The following ATRN variants were observed in gnomAD, a reference collection of about 807,000 sequenced individuals.
The protein encoded by ATRN is attractin, also known as attractin-2.
ATRN carries 54 observed loss-of-function variants against 178.7 expected under a neutral mutation model. The observed-to-expected ratio is 0.30, with a 90% CI of 0.24 to 0.38. The LOEUF (loss-of-function observed/expected upper bound fraction) is 0.38, where lower values mean the gene tolerates loss of function less well. ATRN is among the 10% of genes least tolerant of loss of function. ATRN has a pLI of 1.00. For synonymous variants in ATRN, 636 were observed against 663.0 expected (o/e 0.96, Z 0.63); for missense variants, 1,443 against 1,815.1 (o/e 0.79, Z 3.73).
At chr20:3,509,555 T>A (rs951668744) in intron 1 of ATRN, among the ~76,000 whole-genome samples, 2 of 150,818 alleles carry the variant, frequency 1.3e-5, no homozygotes, top group South Asian at 2.1e-4. Flanking sequence ...TGGAGTGCAG[T>A]GGTGTGATCT....
chr20:3,552,551 A>C (rs144838005), intron 6 of ATRN, among the ~76,000 whole-genome samples: 99 of 152,338 alleles, frequency 6.5e-4, no homozygotes, highest in African/African-American at 2.2e-3. Flanking sequence ...ATCTCATGCT[A>C]CATAACAAAT....
chr20:3,603,255 G>A (rs2086636254), intron 23 of ATRN, among the ~76,000 whole-genome samples: 1 of 152,132 alleles, frequency 6.6e-6, no homozygotes, highest in Non-Finnish European at 1.5e-5. Flanking sequence ...GCTACAGTGG[G>A]TTAGGCAGTG....
intron 2 of ATRN, among the ~76,000 whole-genome samples, chr20:3,537,820 G>T (rs1446827306): frequency 1.3e-5 from 2 of 151,666 alleles, no homozygotes; most frequent in African/African-American, 2.4e-5. Context: ...CTTCATCCAT[G>T]TCCCTACAAA....
rs572448435 is a variant in ATRN, at chr20:3,555,747, G to A, written c.1113-3646G>A. 1.8e-4 allele frequency among the ~76,000 whole-genome samples: 27 copies of A among 152,312 alleles called. No individual in the cohort carries two copies. The South Asian group carries it at 5.4e-3, about 30-fold the overall frequency. On this transcript the variant is annotated intron_variant, in intron 6 of 28. Coordinates refer to ENST00000262919, the MANE Select transcript of ATRN (RefSeq NM_139321.3). ...TTAGATACAGTGGGAACAGAATTGA[G>A]AAATCACCCACACTTTGCAAATAAA...
Position 3,582,285 on chromosome 20 carries a change from C to G in ATRN, c.2695C>G (p.Pro899Ala). ...DAGFCGILSE[P>A]STRGLKAATC... is the part of the protein sequence containing the mutation. ...TGGATTCTGTGGAATTTTATCAGAA[C>G]CCAGTACTCGGGGACTGAAGGCTGC... The change falls in exon 16 of 29, where the codon CCC becomes GCC. Residue 899 changes from proline to alanine, a missense_variant. Pro to Ala is a conservative substitution (Grantham distance 27, BLOSUM62 -1). Coordinates refer to ENST00000262919, the MANE Select transcript of ATRN (RefSeq NM_139321.3). The G allele has an allele frequency of 1.2e-6, 2 of 1,612,972 alleles. No individual in the cohort carries two copies. The highest frequency in any genetic ancestry group is 1.3e-5 in the African/African-American group (1 of 74,990).
At chr20:3,483,213 T>C (rs1378183003) in intron 1 of ATRN, among the ~76,000 whole-genome samples, 1 of 152,242 alleles carries the variant, frequency 6.6e-6, no homozygotes, top group East Asian at 1.9e-4. Context: ...GCTGGAGATT[T>C]ATCTGTTGAT....
chr20:3,535,588 T>TACACACACACACACACACACACAC (rs11468707), intron 2 of ATRN, among the ~76,000 whole-genome samples: 8 of 143,112 alleles, frequency 5.6e-5, no homozygotes, highest in African/African-American at 1.3e-4. Context: ...CAGAAACGGT[T>TACACACACACACACACACACACAC]ACACACACAC....
At position 3,549,658 on chromosome 20, in the gene ATRN, A is replaced by G. The variant is rs1365541440; in HGVS notation, c.1112+320A>G. On this transcript the variant is annotated intron_variant, in intron 6 of 28. Transcript: ENST00000262919. ...AATTTAATTAATAGTTCCAAGGTCA[A>G]ATGGTTTGAATTTATAGTTTGCTAG... Among the ~76,000 whole-genome samples the G allele has an allele frequency of 5.9e-5, 9 of 152,188 alleles. 1 individual carries two copies. Among genetic ancestry groups the G allele is most frequent in the Non-Finnish European group, 1.3e-4 (9 of 68,040 alleles).
In ATRN at chr20:3,651,009, C is replaced by T. The variant is rs2087142970; in HGVS notation, c.*4162C>T. 1 of 152,516 alleles carries T rather than the reference C, an allele frequency of 6.6e-6. No individual in the cohort carries two copies. Among genetic ancestry groups the T allele is most frequent in the Non-Finnish European group, 1.5e-5 (1 of 68,018 alleles). 9.4% of individuals were successfully genotyped at this position (152,516 alleles called of 1,614,324 possible). A position where few individuals can be genotyped will look rare whatever the true frequency, so the allele number is the denominator to read the frequency against. On this transcript the variant is annotated 3_prime_UTR_variant, in exon 29 of 29. Coordinates refer to ENST00000262919, the MANE Select transcript of ATRN (RefSeq NM_139321.3). ...GCTAATTTAAGCAGGAACAAGAGAA[C>T]TAAGGGAGGTCTGTGCATTTTAAAC...
At chr20:3,611,701 T>C (rs2146301354) in intron 24 of ATRN, among the ~76,000 whole-genome samples, 1 of 152,306 alleles carries the variant, frequency 6.6e-6, no homozygotes, top group East Asian at 1.9e-4. Flanking sequence ...GAGATTGTGC[T>C]ACTGCACTCC....
At chr20:3,532,553 A>G (rs1600081566) in intron 1 of ATRN, among the ~76,000 whole-genome samples, 3 of 152,268 alleles carry the variant, frequency 2.0e-5, no homozygotes, top group Non-Finnish European at 4.4e-5. Context: ...TTGGATGTTT[A>G]TCATAGGTTG....
At chr20:3,500,747 TAGTG>T (rs1257572851) in intron 1 of ATRN, among the ~76,000 whole-genome samples, 5 of 148,230 alleles carry the variant, frequency 3.4e-5, no homozygotes, top group Admixed American at 2.0e-4. Context: ...GATGACGAGT[TAGTG>T]GGTGCAGCGC....
rs201093165 is a variant in ATRN at position 3,572,890 on chromosome 20, G to A, written c.2031G>A (p.Ser677=). 1.7e-5 allele frequency: 27 copies of A among 1,613,978 alleles called. No homozygotes were observed. The highest frequency in any genetic ancestry group is 1.3e-4 in the East Asian group (6 of 44,882). ...VWNTGSSQCI[S]WALATDEQEE... ...ACACAGGGTCGTCTCAGTGTATCTC[G>A]TGGGCGCTGGCAACTGATGAACAAG... The change falls in exon 12 of 29, where the codon TCG becomes TCA. Residue 677 remains serine (S), a synonymous_variant. Transcript: ENST00000262919.
In ATRN at chr20:3,495,558, A is replaced by G. The variant is rs1395629125; in HGVS notation, c.410+24041A>G. ...GCAAAGGCCAGAATACCAGCAGGTTAGCGATTTGGTCATCACAGTGAAACC... is the reference window on the plus strand; with the variant it reads ...GCAAAGGCCAGAATACCAGCAGGTTGGCGATTTGGTCATCACAGTGAAACC... On this transcript the variant is annotated intron_variant, in intron 1 of 28. Transcript: ENST00000262919. Among the ~76,000 whole-genome samples the G allele has an allele frequency of 4.5e-4, 68 of 152,126 alleles. 1 individual carries two copies. Among genetic ancestry groups the G allele is most frequent in the Admixed American group, 3.4e-3 (52 of 15,274 alleles).
intron 28 of ATRN, 117 bp from the exon 29 acceptor site, chr20:3,646,606 T>C: frequency 7.3e-7 from 1 of 1,379,298 alleles, no homozygotes; most frequent in South Asian, 1.6e-5. Context: ...TTTGTTCTGG[T>C]TTTTTGGTTT....
At chr20:3,594,362 T>A (rs2146276685) in intron 19 of ATRN, 117 bp from the exon 20 acceptor site, 1 of 674,348 alleles carries the variant, frequency 1.5e-6, no homozygotes, top group East Asian at 2.9e-5. Flanking sequence ...GCTCGTACTT[T>A]AATCTGTCTT....
chr20:3,621,150 G>C (rs2086894438), intron 24 of ATRN, among the ~76,000 whole-genome samples: 1 of 152,076 alleles, frequency 6.6e-6, no homozygotes. Context: ...TCAATGGTGA[G>C]GGAGCGTAGA....
At chr20:3,573,757 AT>A (rs1555818961) in intron 12 of ATRN, among the ~76,000 whole-genome samples, 2 of 69,278 alleles carry the variant, frequency 2.9e-5, no homozygotes, top group African/African-American at 6.4e-5. Flanking sequence ...GTTTTATTTT[AT>A]TTTATTTATT....
chr20:3,536,012 G>A (rs1030207026), intron 2 of ATRN, among the ~76,000 whole-genome samples: 2 of 152,056 alleles, frequency 1.3e-5, no homozygotes, highest in African/African-American at 4.8e-5. Context: ...TATTTTTGTT[G>A]TGGATAAGAA....
Sources: gnomAD v4.1 joint callset for allele counts (sites outside exome capture counted in the v4.1 genomes callset) on GRCh38, gnomAD v4.1.1 for gene constraint, MANE v1.5 for transcripts, NCBI Gene and HGNC (gene_info 2026-07-23, HGNC 2026-07-21) for gene names.